RYR1: variants seen among roughly 807,000 people sequenced by gnomAD.
RYR1 encodes the protein central core disease of muscle.
In RYR1, 342 loss-of-function variants were observed where a neutral mutation model predicts 583.5. The ratio of observed to expected loss-of-function variants is 0.59; its 90% CI spans 0.54 to 0.64. The LOEUF (loss-of-function observed/expected upper bound fraction) is 0.64, where lower values mean the gene tolerates loss of function less well. Ranked by LOEUF, RYR1 falls within the 30% of genes least tolerant of loss-of-function variation. The probability of loss-of-function intolerance (pLI) is 0.00; values close to 1 mark genes in which losing one functional copy is unlikely to be tolerated. For missense variants in RYR1, 6,032 were observed against 6,917.2 expected, an observed-to-expected ratio of 0.87 and a Z score of 4.54; for synonymous variants, 2,791 against 2,822.5, an observed-to-expected ratio of 0.99 and a Z score of 0.35.
At chr19:38,488,459 G>A (rs1036351193) in intron 34 of RYR1, among the ~76,000 whole-genome samples, 2 of 151,470 alleles carry the variant, frequency 1.3e-5, no homozygotes, top group Non-Finnish European at 1.5e-5. Context: ...CTTCCCTTTC[G>A]TCTACTCCCT....
chr19:38,507,095 G>A (rs2145639600), intron 57 of RYR1, 143 bp downstream of exon 57: 2 of 1,363,254 alleles, frequency 1.5e-6, no homozygotes, highest in Non-Finnish European at 2.0e-6. Context: ...GGAGCTAAGG[G>A]AGTGGGGCCT....
At chr19:38,584,848 C>A in intron 101 of RYR1, 95 bp from the exon 102 acceptor site, 2 of 1,476,702 alleles carry the variant, frequency 1.4e-6, no homozygotes, top group East Asian at 2.3e-5. Flanking sequence ...CTGTCTCAGT[C>A]GTTACCATGT....
chr19:38,580,985 G>A (rs146381604), intron 101 of RYR1, among the ~76,000 whole-genome samples: 1,936 of 149,168 alleles, frequency 0.013, 37 homozygotes, highest in African/African-American at 0.046. Context: ...TGCAACCTCC[G>A]CTTCCTGGGT....
At chr19:38,575,999 C>T in intron 97 of RYR1, 38 bp downstream of exon 97, 1 of 1,612,474 alleles carries the variant, frequency 6.2e-7, no homozygotes, top group Non-Finnish European at 8.5e-7. Context: ...TGGATTGGGT[C>T]CCTGCCTGCC....
rs1568465743 is a variant in RYR1 at position 38,469,459 on chromosome 19, C to T, written c.3711C>T (p.Phe1237=). Reference sequence around the variant, plus strand: ...TGCAGCGCCCAGTCACCACCTGGTTCAGCAAAGGCCTGCCCCAGTTTGAGC... The same window carrying T: ...TGCAGCGCCCAGTCACCACCTGGTTTAGCAAAGGCCTGCCCCAGTTTGAGC... ...INMQRPVTTW[F]SKGLPQFEPV... The change falls in exon 27 of 106, where the codon TTC becomes TTT. Residue 1237 remains phenylalanine (F), a synonymous_variant. Transcript: ENST00000359596. 3.1e-6 allele frequency: 5 copies of T among 1,614,192 alleles called. No individual in the cohort carries two copies. The highest frequency in any genetic ancestry group is 1.7e-5 in the Admixed American group (1 of 60,018).
rs1465500965 is a variant in RYR1, at chr19:38,514,972, G to T, written c.9473-54G>T. ...TATTTGAGACAAGGGAGGTGGGGTG[G>T]GGAGGGCTTGTCTTGTGAGCGCATG... On this transcript the variant is annotated intron_variant, in intron 63 of 105. Transcript: ENST00000359596. The T allele has an allele frequency of 2.6e-5, 33 of 1,245,908 alleles. 1 individual carries two copies. In the Middle Eastern group the frequency reaches 8.7e-4, roughly 33 times the overall value. 77.2% of individuals were successfully genotyped at this position (1,245,908 alleles called of 1,614,324 possible).
Position 38,473,696 on chromosome 19 carries a change from A to T in RYR1, c.4085A>T (p.Gln1362Leu). 1 of 1,548,236 alleles carries T rather than the reference A, an allele frequency of 6.5e-7. No individual in the cohort carries two copies. ...GAGGGCGCCCCCGGGGGCACCCCGCAGGCGGGGGGAGAGGCGCAGCCCGCC... is the reference window on the plus strand; with the variant it reads ...GAGGGCGCCCCCGGGGGCACCCCGCTGGCGGGGGGAGAGGCGCAGCCCGCC... Reference protein sequence around the residue: ...AKEGAPGGTPQAGGEAQPARA... With the variant: ...AKEGAPGGTPLAGGEAQPARA... Residue 1362 changes from glutamine to leucine, a missense_variant, in exon 28 of 106, where the codon CAG (glutamine) becomes CTG (leucine). Gln to Leu is a moderately radical substitution (Grantham distance 113). This residue lies in a region of RYR1 where 2,627 missense variants were observed against 2,961.3 expected (regional missense o/e 0.89). Transcript: ENST00000359596.
At chr19:38,439,902 TAGC>T (rs1416907290) in intron 1 of RYR1, among the ~76,000 whole-genome samples, 2 of 152,112 alleles carry the variant, frequency 1.3e-5, no homozygotes, top group African/African-American at 4.8e-5. Flanking sequence ...AAAGATAAAA[TAGC>T]AGTCTATTAT....
rs773015838 is a variant in RYR1, at chr19:38,483,477, C to T, written c.4895C>T (p.Pro1632Leu). The change falls in exon 33 of 106, where the codon CCG becomes CTG. Residue 1632 changes from proline to leucine, a missense_variant. Physicochemically the swap from Pro to Leu is moderately conservative, Grantham distance 98. Coordinates refer to ENST00000359596, the MANE Select transcript of RYR1 (RefSeq NM_000540.3). This position sits in a 1 kb window ranked among gnomAD's most constrained non-coding sequence, Gnocchi z 6.3. The part of the protein sequence containing the change: ...RLGWAVQCQE[P>L]LTMMALHIPE... ...GGCTGGGCCGTGCAGTGCCAGGAGC[C>T]GCTGACCATGATGGCGCTGCACATC... 9.6e-6 allele frequency: 15 copies of T among 1,562,224 alleles called. No homozygotes were observed. Among genetic ancestry groups the T allele is most frequent in the South Asian group, 3.5e-5 (3 of 85,264 alleles).
intron 13 of RYR1, among the ~76,000 whole-genome samples, chr19:38,453,877 T>A (rs375313432): frequency 4.6e-4 from 70 of 151,962 alleles, no homozygotes; most frequent in Admixed American, 1.3e-3. Context: ...GGTGAGGACT[T>A]TGGCTTTGGG....
In RYR1 at chr19:38,496,892, G is replaced by A; in HGVS notation, c.6829G>A (p.Ala2277Thr). ...GGGCTCCACGCCCCTGGACGTGGCT[G>A]CTGCCTCCGTCATTGACAACAATGA... ...MQGSTPLDVA[A>T]ASVIDNNELA... Residue 2277 changes from alanine to threonine, a missense_variant, in exon 42 of 106, where the codon GCT becomes ACT. Coordinates refer to ENST00000359596, the MANE Select transcript of RYR1 (RefSeq NM_000540.3). This position sits in a 1 kb window ranked among gnomAD's most constrained non-coding sequence, Gnocchi z 4.8. 1 of 1,613,448 alleles carries A rather than the reference G, an allele frequency of 6.2e-7. No individual in the cohort carries two copies. Among genetic ancestry groups the A allele is most frequent in the East Asian group, 2.2e-5 (1 of 44,868 alleles).
chr19:38,554,591 G>C (rs1354627025), intron 89 of RYR1, among the ~76,000 whole-genome samples: 1 of 151,692 alleles, frequency 6.6e-6, no homozygotes, highest in Non-Finnish European at 1.5e-5. Context: ...AGCTTGGAAG[G>C]CCCTTTCTGG....
At position 38,561,424 on chromosome 19, in the gene RYR1, G is replaced by A; in HGVS notation, c.12594G>A (p.Glu4198=). The change falls in exon 90 of 106, where the codon GAG becomes GAA. Residue 4198 remains glutamate (E), a synonymous_variant. Coordinates refer to ENST00000359596, the MANE Select transcript of RYR1 (RefSeq NM_000540.3). This position sits in a 1 kb window ranked among gnomAD's most constrained non-coding sequence, Gnocchi z 4.8. ...AGCGCATCTACTTCGAGATCTCAGA[G>A]ACCAACCGCGCCCAGTGGGAGATGC... The part of the protein sequence containing the change: ...RIERIYFEIS[E]TNRAQWEMPQ... 1 of 1,611,102 alleles carries A rather than the reference G, an allele frequency of 6.2e-7. No individual in the cohort carries two copies. The highest frequency in any genetic ancestry group is 1.3e-5 in the African/African-American group (1 of 75,052).
chr19:38,584,337 C>T (rs1004188432), intron 101 of RYR1, among the ~76,000 whole-genome samples: 1 of 114,630 alleles, frequency 8.7e-6, no homozygotes, highest in Non-Finnish European at 1.8e-5. Context: ...CCGTCTGTGC[C>T]CCCCATCCAT....
intron 28 of RYR1, among the ~76,000 whole-genome samples, chr19:38,475,027 G>A (rs183814187): frequency 4.3e-4 from 65 of 152,288 alleles, no homozygotes; most frequent in African/African-American, 1.4e-3. Flanking sequence ...GCACCTATAC[G>A]AGAAATGCAT....
chr19:38,578,391 A>AT (rs913617759), intron 99 of RYR1, among the ~76,000 whole-genome samples, 187 bp downstream of exon 99: 10 of 151,472 alleles, frequency 6.6e-5, no homozygotes, highest in African/African-American at 1.7e-4. Flanking sequence ...TATTATTACT[A>AT]TTTTTTTTTA....
intron 72 of RYR1, 60 bp downstream of exon 72, chr19:38,527,112 GA>G: frequency 6.4e-7 from 1 of 1,574,332 alleles, no homozygotes; most frequent in South Asian, 1.1e-5. Context: ...CAATATTAGT[GA>G]AGGTTTGAGC....
rs1320396140 is a variant in RYR1 at position 38,468,956 on chromosome 19, G to A, written c.3382-10G>A. 2.5e-6 allele frequency: 4 copies of A among 1,613,916 alleles called. No individual in the cohort carries two copies. The highest frequency in any genetic ancestry group is 3.4e-6 in the Non-Finnish European group (4 of 1,179,990). ...TCCCCACACCATGTCTTCTCTGGCTGTCCTCACAGGGCCAGCGCTGGCACT... is the reference window on the plus strand; with the variant it reads ...TCCCCACACCATGTCTTCTCTGGCTATCCTCACAGGGCCAGCGCTGGCACT... On this transcript the variant is annotated splice_polypyrimidine_tract_variant and intron_variant, in intron 25 of 105. Transcript: ENST00000359596.
At chr19:38,564,628 C>T (rs1174256855) in intron 90 of RYR1, among the ~76,000 whole-genome samples, 1 of 152,036 alleles carries the variant, frequency 6.6e-6, no homozygotes, top group Non-Finnish European at 1.5e-5. Flanking sequence ...AGTTATTCTC[C>T]TACCTCAGCC....
Sources: allele counts gnomAD v4.1 joint callset (sites outside exome capture counted in the v4.1 genomes callset), GRCh38; gene constraint gnomAD v4.1.1; regional missense constraint gnomAD v4.1.1; non-coding constraint Gnocchi (gnomAD v3.1); transcripts MANE v1.5; gene names NCBI Gene and HGNC (gene_info 2026-07-23, HGNC 2026-07-21).